Variants in ELMO1 observed in about 807,000 individuals in gnomAD.
ELMO1 encodes engulfment and cell motility protein 1.
A neutral mutation model predicts 98.9 loss-of-function variants in ELMO1; 26 were observed. The ratio of observed to expected loss-of-function variants is 0.26; its 90% CI spans 0.19 to 0.36. The LOEUF is 0.36. Among genes scored for constraint, ELMO1 ranks in the 10% least tolerant of loss-of-function variants. ELMO1 has a pLI of 1.00. For missense variants in ELMO1, 627 were observed against 935.2 expected, an observed-to-expected ratio of 0.67 and a Z score of 4.30; for synonymous variants, 346 against 346.0, an observed-to-expected ratio of 1.00 and a Z score of 0.00.
intron 13 of ELMO1, among the ~76,000 whole-genome samples, chr7:37,151,755 G>C (rs1032771796): frequency 6.6e-6 from 1 of 152,178 alleles, no homozygotes; most frequent in Non-Finnish European, 1.5e-5. Context: ...TTAAAAATCA[G>C]TGTTGAAATT....
At chr7:37,003,340 T>G (rs1412725304) in intron 16 of ELMO1, among the ~76,000 whole-genome samples, 1 of 152,102 alleles carries the variant, frequency 6.6e-6, no homozygotes, top group African/African-American at 2.4e-5. Context: ...ATGGGCAACA[T>G]AATGAGACAA....
intron 13 of ELMO1, among the ~76,000 whole-genome samples, chr7:37,149,390 T>C (rs1349513158): frequency 6.6e-6 from 1 of 152,210 alleles, no homozygotes. Flanking sequence ...AGTACTGCTC[T>C]AAGCCAGGGG....
At chr7:37,019,727 G>GT (rs1794159915) in intron 15 of ELMO1, among the ~76,000 whole-genome samples, 2 of 152,268 alleles carry the variant, frequency 1.3e-5, no homozygotes, top group East Asian at 3.9e-4. Context: ...GACAAAAATA[G>GT]TAAGACGTTT....
At chr7:37,432,010 T>C (rs550251715) in intron 1 of ELMO1, among the ~76,000 whole-genome samples, 1 of 152,254 alleles carries the variant, frequency 6.6e-6, no homozygotes, top group South Asian at 2.1e-4. Context: ...GCCTCCCGAG[T>C]ATCTGGGATT....
chr7:37,194,000 G>A (rs556394085), intron 13 of ELMO1, among the ~76,000 whole-genome samples: 46 of 152,172 alleles, frequency 3.0e-4, no homozygotes, highest in Non-Finnish European at 6.0e-4. Flanking sequence ...AGAATGCTCT[G>A]GAAAGCCCTG....
chr7:37,222,989 T>C (rs1248221769), intron 9 of ELMO1, among the ~76,000 whole-genome samples: 2 of 152,336 alleles, frequency 1.3e-5, no homozygotes, highest in East Asian at 1.9e-4. Context: ...GATGTTGTAA[T>C]TGATGTACTA....
chr7:36,905,226 T>G (rs1339557931), intron 16 of ELMO1, among the ~76,000 whole-genome samples: 1 of 152,214 alleles, frequency 6.6e-6, no homozygotes, highest in Non-Finnish European at 1.5e-5. Flanking sequence ...CTGTTCAAAT[T>G]TATCCATACT....
intron 5 of ELMO1, among the ~76,000 whole-genome samples, chr7:37,259,805 G>A (rs1249975091): frequency 2.6e-5 from 4 of 152,178 alleles, no homozygotes; most frequent in Non-Finnish European, 4.4e-5. Flanking sequence ...AGTAATAACT[G>A]CCTACACATG....
chr7:37,239,312 C>T (rs1794640901), intron 7 of ELMO1, among the ~76,000 whole-genome samples: 1 of 152,052 alleles, frequency 6.6e-6, no homozygotes, highest in Non-Finnish European at 1.5e-5. Context: ...TTACGGGTGC[C>T]TGTCACCATG....
intron 4 of ELMO1, among the ~76,000 whole-genome samples, chr7:37,306,702 T>C (rs1798629167): frequency 6.6e-6 from 1 of 152,090 alleles, no homozygotes; most frequent in Non-Finnish European, 1.5e-5. Flanking sequence ...CTTTGGAAGA[T>C]GAAAATACTG....
At chr7:37,155,978 C>T (rs1788734167) in intron 13 of ELMO1, among the ~76,000 whole-genome samples, 1 of 152,218 alleles carries the variant, frequency 6.6e-6, no homozygotes, top group Admixed American at 6.5e-5. Flanking sequence ...GACTGTCTCT[C>T]ACACCACAGT....
rs748088545 is a variant in ELMO1 at position 37,225,024 on chromosome 7, T to C, written c.556A>G (p.Ser186Gly). Reference sequence around the variant, plus strand: ...TCTATGGCTGACTTGTTCACAAAACTTGCTATCTGAAAATCCAAGTGGGAC... The same window carrying C: ...TCTATGGCTGACTTGTTCACAAAACCTGCTATCTGAAAATCCAAGTGGGAC... ...FSVAFIKKIA[S>G]FVNKSAIDIS... is the part of the protein sequence containing the mutation. Residue 186 changes from serine (S) to glycine (G), a missense_variant, in exon 9 of 22, where the codon AGT becomes GGT. Around this residue, in one of 3 missense-constraint regions of ELMO1, gnomAD observed 492 missense variants for 715.6 expected, o/e 0.69. Coordinates refer to ENST00000310758, the MANE Select transcript of ELMO1 (RefSeq NM_014800.11). The C allele has an allele frequency of 1.9e-6, 3 of 1,613,908 alleles. No homozygotes were observed. The highest frequency in any genetic ancestry group is 4.5e-5 in the East Asian group (2 of 44,874).
intron 13 of ELMO1, among the ~76,000 whole-genome samples, chr7:37,153,017 A>G (rs1788469053): frequency 6.6e-6 from 1 of 152,132 alleles, no homozygotes; most frequent in African/African-American, 2.4e-5. Context: ...CTGCTCAGAG[A>G]AGGAGTGAGG....
chr7:36,914,657 G>A (rs892125555), intron 16 of ELMO1, among the ~76,000 whole-genome samples: 2 of 152,038 alleles, frequency 1.3e-5, no homozygotes, highest in African/African-American at 4.8e-5. Context: ...GGGACTACAG[G>A]TGTGGGCCAC....
chr7:37,131,469 T>C (rs1189659808), intron 14 of ELMO1, among the ~76,000 whole-genome samples: 1 of 152,246 alleles, frequency 6.6e-6, no homozygotes, highest in Non-Finnish European at 1.5e-5. Flanking sequence ...CATATGCTTC[T>C]TATGCAATTA....
intron 16 of ELMO1, among the ~76,000 whole-genome samples, chr7:36,979,957 C>G (rs1253862087): frequency 6.6e-6 from 1 of 152,184 alleles, no homozygotes; most frequent in African/African-American, 2.4e-5. Flanking sequence ...TGCAAGAATT[C>G]CAACCAAGTT....
intron 15 of ELMO1, among the ~76,000 whole-genome samples, chr7:37,061,144 G>C (rs530694065): frequency 6.0e-4 from 92 of 152,274 alleles, no homozygotes; most frequent in African/African-American, 2.1e-3. Flanking sequence ...CAGATTAATG[G>C]GGATGGGGGG....
chr7:36,872,017 T>C (rs1450338550), intron 19 of ELMO1, among the ~76,000 whole-genome samples: 2 of 152,246 alleles, frequency 1.3e-5, no homozygotes, highest in East Asian at 3.9e-4. Context: ...ACCCTTCTGG[T>C]AGACATTACT....
intron 6 of ELMO1, among the ~76,000 whole-genome samples, chr7:37,257,326 T>C (rs2717966): frequency 0.38 from 58,437 of 152,012 alleles, 12,151 homozygotes; most frequent in African/African-American, 0.55. Context: ...TGGTGGCTCA[T>C]GCCTGTAATC....
Sources: gnomAD v4.1 joint callset for allele counts (sites outside exome capture counted in the v4.1 genomes callset) on GRCh38, gnomAD v4.1.1 for gene constraint, gnomAD v4.1.1 regional missense constraint, MANE v1.5 for transcripts, NCBI Gene and HGNC (gene_info 2026-07-23, HGNC 2026-07-21) for gene names.